The following PFKFB3 variants were observed in gnomAD, a reference collection of about 807,000 sequenced individuals.
PFKFB3 encodes 6-phosphofructo-2-kinase/fructose-2,6-bisphosphatase 3.
PFKFB3 carries 33 observed loss-of-function variants against 68.0 expected under a neutral mutation model. That is an observed-to-expected ratio of 0.49 (90% CI 0.37 to 0.65). The LOEUF is 0.65. Ranked by LOEUF, PFKFB3 falls within the 30% of genes least tolerant of loss-of-function variation. The pLI is 0.00. For missense variants in PFKFB3, 586 were observed against 712.2 expected (o/e 0.82, Z 2.02); for synonymous variants, 315 against 288.2 (o/e 1.09, Z -0.94).
intron 1 of PFKFB3, among the ~76,000 whole-genome samples, chr10:6,169,867 G>C (rs1218205185): frequency 1.3e-5 from 2 of 152,170 alleles, no homozygotes; most frequent in Non-Finnish European, 2.9e-5. Flanking sequence ...TCTTGGATGT[G>C]TATTTCCTTA....
Position 6,234,980 on chromosome 10 carries a change from C to T in PFKFB3, c.*2038C>T, listed in dbSNP as rs1013030312. ...AGAAAGGAGAACACTGCCTACTTTGCAAGCCAGTGACCTGCCTTTTGAGGG... is the reference window on the plus strand; with the variant it reads ...AGAAAGGAGAACACTGCCTACTTTGTAAGCCAGTGACCTGCCTTTTGAGGG... On this transcript the variant is annotated 3_prime_UTR_variant, in exon 15 of 15. Coordinates refer to ENST00000379775, the MANE Select transcript of PFKFB3 (RefSeq NM_004566.4). 6.9e-6 allele frequency: 1 copy of T among 144,576 alleles called. No homozygotes were observed. The highest frequency in any genetic ancestry group is 2.6e-5 in the African/African-American group (1 of 37,740). 9.0% of individuals were successfully genotyped at this position (144,576 alleles called of 1,614,324 possible). A position where few individuals can be genotyped will look rare whatever the true frequency, so the allele number is the denominator to read the frequency against.
At position 6,154,746 on chromosome 10, in the gene PFKFB3, T is replaced by C. The variant is rs1841712692; in HGVS notation, c.16+9733T>C. The stretch of plus-strand genomic sequence containing the variant: ...GGCAGAGGCGGCGGGATTTGATGGA[T>C]TTGCTGTGGGGTGAGAGAGAGTGAA... On this transcript the variant is annotated intron_variant, in intron 1 of 14. Transcript: ENST00000379789. This position sits in a 1 kb window ranked among gnomAD's most constrained non-coding sequence, Gnocchi z 4.6. Among the ~76,000 whole-genome samples, 1 of 152,058 alleles carries C rather than the reference T, an allele frequency of 6.6e-6. No individual in the cohort carries two copies. Among genetic ancestry groups the C allele is most frequent in the Non-Finnish European group, 1.5e-5 (1 of 67,994 alleles).
the PFKFB3 span, among the ~76,000 whole-genome samples, chr10:6,307,330 TACACACACAC>T: frequency 0.09 from 8,880 of 99,212 alleles, 803 homozygotes; most frequent in East Asian, 0.44. Flanking sequence ...GCATGCGTAC[TACACACACAC>T]ACACACACAC....
downstream of PFKFB3, among the ~76,000 whole-genome samples, chr10:6,236,328 G>C (rs888191982): frequency 2.6e-5 from 4 of 152,258 alleles, no homozygotes; most frequent in Non-Finnish European, 5.9e-5. Context: ...AGATGGGGCA[G>C]GGTTCAGGGT....
upstream of PFKFB3, among the ~76,000 whole-genome samples, chr10:6,201,416 C>G (rs1843345202): frequency 8.0e-6 from 1 of 124,698 alleles, no homozygotes; most frequent in Admixed American, 8.7e-5. This position sits in a 1 kb window ranked among gnomAD's most constrained non-coding sequence, Gnocchi z 4.1. Flanking sequence ...GAGGGCGGCG[C>G]GGGGGGCGGG....
At chr10:6,249,606 ATG>A (rs1374318287) in intron 14 of PFKFB3, among the ~76,000 whole-genome samples, 1 of 152,252 alleles carries the variant, frequency 6.6e-6, no homozygotes, top group Non-Finnish European at 1.5e-5. Context: ...AAAATACTGC[ATG>A]TCCTCACTTA....
chr10:6,176,039 G>T (rs576230633), intron 1 of PFKFB3, among the ~76,000 whole-genome samples: 9 of 152,360 alleles, frequency 5.9e-5, no homozygotes, highest in Admixed American at 5.9e-4. Flanking sequence ...CACCCCAACG[G>T]GTGAGAGCCC....
intron 1 of PFKFB3, among the ~76,000 whole-genome samples, chr10:6,173,088 A>T (rs917819709): frequency 3.9e-5 from 6 of 152,220 alleles, no homozygotes; most frequent in Non-Finnish European, 7.4e-5. Flanking sequence ...ACTCTCTCTC[A>T]GTTCTGTCCT....
At chr10:6,206,637 C>T (rs1314044302) in intron 1 of PFKFB3, among the ~76,000 whole-genome samples, 15 of 151,642 alleles carry the variant, frequency 9.9e-5, no homozygotes, top group Non-Finnish European at 1.9e-4. Flanking sequence ...ACGCTCCTCA[C>T]ATCCCAGATG....
chr10:6,291,945 GTTTTTTTTTTT>G, the PFKFB3 span, among the ~76,000 whole-genome samples: 6 of 94,382 alleles, frequency 6.4e-5, no homozygotes, highest in South Asian at 2.4e-3. Flanking sequence ...GAAACCAGTG[GTTTTTTTTTTT>G]TTTTTTTTTT....
chr10:6,298,322 A>C, the PFKFB3 span, among the ~76,000 whole-genome samples: 1 of 151,740 alleles, frequency 6.6e-6, no homozygotes, highest in African/African-American at 2.4e-5. Context: ...AAGAAAGGGA[A>C]GTAGGAGAAT....
downstream of PFKFB3, among the ~76,000 whole-genome samples, chr10:6,235,892 T>A (rs10795916): frequency 1.3e-5 from 2 of 151,186 alleles, no homozygotes; most frequent in Admixed American, 1.3e-4. Flanking sequence ...TTAGCCTCCC[T>A]AGTAGCTGGG....
intron 1 of PFKFB3, among the ~76,000 whole-genome samples, chr10:6,177,873 A>G (rs1363672444): frequency 2.0e-5 from 3 of 152,076 alleles, no homozygotes; most frequent in Non-Finnish European, 2.9e-5. Flanking sequence ...AATGGTGTAC[A>G]CCACTGACGG....
At chr10:6,263,721 C>G in the PFKFB3 span, among the ~76,000 whole-genome samples, 116 of 93,496 alleles carry the variant, frequency 1.2e-3, no homozygotes, top group Middle Eastern at 0.011. Flanking sequence ...GAGTCTTGCT[C>G]TGTCACCAGG....
chr10:6,326,373 A>G, the PFKFB3 span, among the ~76,000 whole-genome samples: 1 of 152,208 alleles, frequency 6.6e-6, no homozygotes, highest in South Asian at 2.1e-4. Flanking sequence ...TGATAGGAGC[A>G]GCAAACCACC....
downstream of PFKFB3, among the ~76,000 whole-genome samples, chr10:6,259,564 A>G (rs1846521498): frequency 7.3e-6 from 1 of 137,398 alleles, no homozygotes; most frequent in African/African-American, 2.6e-5. Context: ...CCATCCATCC[A>G]TCCACTCATC....
the PFKFB3 span, among the ~76,000 whole-genome samples, chr10:6,300,985 C>T: frequency 6.6e-6 from 1 of 152,154 alleles, no homozygotes; most frequent in African/African-American, 2.4e-5. Flanking sequence ...TGGGAGGACA[C>T]CTGAGGGGAG....
intron 14 of PFKFB3, among the ~76,000 whole-genome samples, chr10:6,241,195 G>T (rs1434269967): frequency 6.6e-6 from 1 of 152,090 alleles, no homozygotes; most frequent in African/African-American, 2.4e-5. Context: ...GTGAGCCACC[G>T]CGCCTGGCCA....
At chr10:6,302,081 G>C in the PFKFB3 span, among the ~76,000 whole-genome samples, 1 of 148,670 alleles carries the variant, frequency 6.7e-6, no homozygotes, top group African/African-American at 2.5e-5. Flanking sequence ...TTGAAACAGA[G>C]TCTTGCTCTG....
Sources: gnomAD v4.1 joint callset for allele counts (sites outside exome capture counted in the v4.1 genomes callset) on GRCh38, gnomAD v4.1.1 for gene constraint, Gnocchi (gnomAD v3.1) non-coding constraint, MANE v1.5 for transcripts, NCBI Gene and HGNC (gene_info 2026-07-23, HGNC 2026-07-21) for gene names.